Variants in DCAF8L2 observed in about 807,000 individuals in gnomAD.
DCAF8L2 encodes the protein DDB1 and CUL4 associated factor 8 like 2.
For missense variants in DCAF8L2, 430 were observed against 490.7 expected, an observed-to-expected ratio of 0.88 and a Z score of 1.17; for synonymous variants, 200 against 190.9, an observed-to-expected ratio of 1.05 and a Z score of -0.39.
chrX:27,727,787 G>A (rs2075139391), intron 4 of DCAF8L2, among the ~76,000 whole-genome samples: 1 of 111,439 alleles, frequency 9.0e-6, no homozygotes, highest in Non-Finnish European at 1.9e-5. Flanking sequence ...CTAAGAACAT[G>A]TATATAAATT....
At chrX:27,504,779 C>T in the DCAF8L2 span, among the ~76,000 whole-genome samples, 4 of 111,241 alleles carry the variant, frequency 3.6e-5, no homozygotes, top group Non-Finnish European at 7.6e-5. Flanking sequence ...TGTATTTGAA[C>T]ATCCATAAAA....
At chrX:27,666,335 G>A (rs1602713981) in intron 2 of DCAF8L2, among the ~76,000 whole-genome samples, 1 of 111,678 alleles carries the variant, frequency 9.0e-6, no homozygotes, top group Non-Finnish European at 1.9e-5. Flanking sequence ...TTTCACAAAT[G>A]TTTCTTCTGG....
chrX:27,731,392 C>T (rs759440525), intron 4 of DCAF8L2, among the ~76,000 whole-genome samples: 1 of 111,285 alleles, frequency 9.0e-6, no homozygotes, highest in East Asian at 2.8e-4. Context: ...CAGAGAAAGA[C>T]TCTGTCTCAA....
the DCAF8L2 span, among the ~76,000 whole-genome samples, chrX:27,548,790 G>C: frequency 3.6e-5 from 4 of 111,702 alleles, no homozygotes; most frequent in Non-Finnish European, 5.6e-5. Context: ...ATTTCATCTA[G>C]GTTGAATAAA....
chrX:27,499,050 T>C, the DCAF8L2 span, among the ~76,000 whole-genome samples: 1 of 112,534 alleles, frequency 8.9e-6, no homozygotes, highest in Non-Finnish European at 1.9e-5. Flanking sequence ...CAGAAATCTC[T>C]TCAAAATAAT....
the DCAF8L2 span, among the ~76,000 whole-genome samples, chrX:27,531,390 T>A: frequency 9.0e-6 from 1 of 111,617 alleles, no homozygotes; most frequent in South Asian, 3.8e-4. Flanking sequence ...GTCCTTCCTA[T>A]GACACATGGG....
chrX:27,547,891 T>TCTCTCTCTCTCTCTCTCTCTCTTTCTCTC, the DCAF8L2 span, among the ~76,000 whole-genome samples: 1 of 57,196 alleles, frequency 1.7e-5, no homozygotes, highest in Admixed American at 2.3e-4. Flanking sequence ...CTCTCTCTCT[T>TCTCTCTCTCTCTCTCTCTCTCTTTCTCTC]TCTCTCTCTC....
intron 3 of DCAF8L2, among the ~76,000 whole-genome samples, chrX:27,707,704 G>T (rs910675133): frequency 9.0e-6 from 1 of 111,247 alleles, no homozygotes; most frequent in Non-Finnish European, 1.9e-5. Context: ...CTGTTGCTTG[G>T]AATCCGTGGT....
intron 2 of DCAF8L2, among the ~76,000 whole-genome samples, chrX:27,639,736 T>C (rs1301140964): frequency 9.0e-6 from 1 of 111,322 alleles, no homozygotes; most frequent in Non-Finnish European, 1.9e-5. Flanking sequence ...AGCCTAAAAG[T>C]AAGAGAAAAG....
the DCAF8L2 span, among the ~76,000 whole-genome samples, chrX:27,500,359 A>G: frequency 1.4e-3 from 152 of 112,157 alleles, no homozygotes; most frequent in African/African-American, 4.8e-3. Flanking sequence ...GATCATATAA[A>G]TTATTGTTTC....
intron 2 of DCAF8L2, 79 bp from the exon 3 acceptor site, chrX:27,677,757 A>C (rs780517739): frequency 1.8e-5 from 2 of 112,006 alleles, no homozygotes; most frequent in East Asian, 5.6e-4. Context: ...TGGGTAACAG[A>C]ATATTTATTG....
chrX:27,679,950 G>A (rs374869165), intron 3 of DCAF8L2, among the ~76,000 whole-genome samples: 1 of 111,410 alleles, frequency 9.0e-6, no homozygotes. Context: ...ATCTCAAGGG[G>A]TCCCCCAAGA....
intron 3 of DCAF8L2, among the ~76,000 whole-genome samples, chrX:27,698,403 T>G (rs771787355): frequency 6.3e-5 from 7 of 111,517 alleles, no homozygotes; most frequent in African/African-American, 2.3e-4. Context: ...CATATGGGGG[T>G]TTGGCTACCA....
chrX:27,644,645 C>A (rs2055338831), intron 2 of DCAF8L2, among the ~76,000 whole-genome samples: 1 of 111,809 alleles, frequency 8.9e-6, no homozygotes, highest in African/African-American at 3.3e-5. Context: ...TGGAAACCAA[C>A]TGATAAAATA....
At chrX:27,562,531 T>G in the DCAF8L2 span, among the ~76,000 whole-genome samples, 5 of 112,112 alleles carry the variant, frequency 4.5e-5, no homozygotes, top group African/African-American at 9.7e-5. Flanking sequence ...GAAGGAGATG[T>G]GAAACAGAGT....
At chrX:27,560,595 C>A in the DCAF8L2 span, among the ~76,000 whole-genome samples, 1 of 111,891 alleles carries the variant, frequency 8.9e-6, no homozygotes, top group African/African-American at 3.2e-5. Context: ...CCCGGATGCA[C>A]CACTGCCATT....
the DCAF8L2 span, among the ~76,000 whole-genome samples, chrX:27,538,687 G>A: frequency 7.3e-5 from 8 of 109,310 alleles, no homozygotes; most frequent in African/African-American, 2.7e-4. Context: ...CACCGTGCCC[G>A]GCCCAAAAAT....
At chrX:27,551,163 A>G in the DCAF8L2 span, among the ~76,000 whole-genome samples, 1 of 108,734 alleles carries the variant, frequency 9.2e-6, no homozygotes. Flanking sequence ...AACAATATTG[A>G]AATTAGGCAT....
the DCAF8L2 span, among the ~76,000 whole-genome samples, chrX:27,575,240 C>T: frequency 4.5e-5 from 5 of 111,207 alleles, no homozygotes; most frequent in South Asian, 3.9e-4. Flanking sequence ...CGTGCTCCCT[C>T]GATGTCCTCT....
Sources: gnomAD v4.1 joint callset for allele counts (sites outside exome capture counted in the v4.1 genomes callset) on GRCh38, gnomAD v4.1.1 for gene constraint, MANE v1.5 for transcripts, NCBI Gene and HGNC (gene_info 2026-07-23, HGNC 2026-07-21) for gene names.